ARHGAP35: variants seen among roughly 807,000 people sequenced by gnomAD.
ARHGAP35 encodes rho GTPase-activating protein 35.
In ARHGAP35, 15 loss-of-function variants were observed where a neutral mutation model predicts 111.1. The ratio of observed to expected loss-of-function variants is 0.13; its 90% CI spans 0.09 to 0.21. ARHGAP35 has a LOEUF of 0.21. Ranked by LOEUF, ARHGAP35 falls within the 10% of genes least tolerant of loss-of-function variation. The probability of loss-of-function intolerance (pLI) is 1.00; values close to 1 mark genes in which losing one functional copy is unlikely to be tolerated. For synonymous variants in ARHGAP35, 643 were observed against 710.3 expected (o/e 0.91, Z 1.51); for missense variants, 1,262 against 1,873.0 (o/e 0.67, Z 6.02).
intron 3 of ARHGAP35, among the ~76,000 whole-genome samples, chr19:46,987,097 G>C (rs2056654498): frequency 6.6e-6 from 1 of 151,852 alleles, no homozygotes; most frequent in Non-Finnish European, 1.5e-5. Flanking sequence ...CAAAGTGCTG[G>C]GATTACAAGC....
At chr19:46,868,708 C>T (rs2055871135) in intron 1 of ARHGAP35, among the ~76,000 whole-genome samples, 1 of 151,964 alleles carries the variant, frequency 6.6e-6, no homozygotes, top group African/African-American at 2.4e-5. Flanking sequence ...ACATTTTTTT[C>T]AGCAAGTAGA....
At chr19:46,881,796 A>G (rs1483202983) in intron 1 of ARHGAP35, among the ~76,000 whole-genome samples, 1 of 152,220 alleles carries the variant, frequency 6.6e-6, no homozygotes, top group Non-Finnish European at 1.5e-5. Flanking sequence ...CTCTAGCTAT[A>G]GAAGTCCTAG....
intron 1 of ARHGAP35, among the ~76,000 whole-genome samples, chr19:46,897,169 G>A (rs561142506): frequency 6.6e-6 from 1 of 152,106 alleles, no homozygotes; most frequent in South Asian, 2.1e-4. Flanking sequence ...AAAGTGCTGG[G>A]GTTACAGGCG....
At chr19:46,928,555 G>T (rs1243384842) in intron 2 of ARHGAP35, among the ~76,000 whole-genome samples, 1 of 151,846 alleles carries the variant, frequency 6.6e-6, no homozygotes, top group Admixed American at 6.6e-5. Flanking sequence ...TCGCTGTTTG[G>T]CTCCAGATCA....
At chr19:46,956,419 CTTTT>C (rs1276748702) in intron 3 of ARHGAP35, among the ~76,000 whole-genome samples, 6 of 138,786 alleles carry the variant, frequency 4.3e-5, no homozygotes, top group Admixed American at 7.2e-5. Flanking sequence ...CCCAAGATAT[CTTTT>C]TTTTTTTTTT....
intron 3 of ARHGAP35, among the ~76,000 whole-genome samples, chr19:46,982,756 A>ATTTT (rs2056627668): frequency 6.6e-6 from 1 of 152,018 alleles, no homozygotes; most frequent in South Asian, 2.1e-4. Flanking sequence ...AGAAATGCAG[A>ATTTT]TTTTGAGGCC....
At chr19:46,987,899 T>G (rs1232482009) in intron 3 of ARHGAP35, 90 bp from the exon 4 acceptor site, 6 of 1,317,964 alleles carry the variant, frequency 4.6e-6, no homozygotes, top group Middle Eastern at 1.8e-4. Flanking sequence ...TCATGGACTT[T>G]CCCTGGCTTT....
At position 46,986,117 on chromosome 19, in the gene ARHGAP35, G is replaced by A. The variant is rs796847562; in HGVS notation, c.3827-1872G>A. On this transcript the variant is annotated intron_variant, in intron 3 of 6. Transcript: ENST00000672722. The surrounding 1 kb of genome is among the most constrained non-coding windows in gnomAD (Gnocchi z 4.3). Reference sequence around the variant, plus strand: ...CAGAGTCGCTCAAAGCCAGTCTTCAGAAGGGACCCAGGGTTGCTTTAGCCA... The same window carrying A: ...CAGAGTCGCTCAAAGCCAGTCTTCAAAAGGGACCCAGGGTTGCTTTAGCCA... Among the ~76,000 whole-genome samples the A allele has an allele frequency of 2.0e-4, 30 of 152,324 alleles. No homozygotes were observed. The highest frequency in any genetic ancestry group is 7.2e-4 in the African/African-American group (30 of 41,566).
intron 2 of ARHGAP35, among the ~76,000 whole-genome samples, chr19:46,925,857 T>G (rs1176119468): frequency 6.6e-6 from 1 of 152,166 alleles, no homozygotes; most frequent in Non-Finnish European, 1.5e-5. Context: ...GCATGCTGGA[T>G]AAGTGTCAGC....
intron 2 of ARHGAP35, among the ~76,000 whole-genome samples, chr19:46,928,924 G>A (rs936989157): frequency 5.3e-5 from 8 of 150,498 alleles, no homozygotes; most frequent in Admixed American, 1.3e-4. Flanking sequence ...AGAGGGAGAC[G>A]GTCTCAAAAA....
At chr19:46,974,111 C>T (rs2056567308) in intron 3 of ARHGAP35, among the ~76,000 whole-genome samples, 1 of 152,212 alleles carries the variant, frequency 6.6e-6, no homozygotes, top group African/African-American at 2.4e-5. Flanking sequence ...CCTCCCACCT[C>T]AGCTTCCCAA....
At position 46,972,986 on chromosome 19, in the gene ARHGAP35, A is replaced by T. The variant is rs112791112; in HGVS notation, c.3827-15003A>T. Among the ~76,000 whole-genome samples, 937 of 152,088 alleles carry T rather than the reference A, an allele frequency of 6.2e-3. 6 individuals carry two copies. Among genetic ancestry groups the T allele is most frequent in the South Asian group, 0.02 (98 of 4,824 alleles). On this transcript the variant is annotated intron_variant, in intron 3 of 6. Coordinates refer to ENST00000672722, the MANE Select transcript of ARHGAP35 (RefSeq NM_004491.5). ...ATTCAACCCTGTTCCCCTGCACTGA[A>T]GATTTACTTCCAAACCTCTCTTAAC...
rs767031011 is a variant in ARHGAP35 at position 46,922,362 on chromosome 19, A to AC, written c.3681+7dup. On this transcript the variant is annotated splice_region_variant and intron_variant, in intron 2 of 6. Coordinates refer to ENST00000672722, the MANE Select transcript of ARHGAP35 (RefSeq NM_004491.5). This position sits in a 1 kb window ranked among gnomAD's most constrained non-coding sequence, Gnocchi z 4.0. ...GCCTAAGGAGGAACACTAAGGTAAG[A>AC]CACCAGTCTAGGATTAGTCATAGTG... The AC allele has an allele frequency of 7.6e-6, 12 of 1,577,836 alleles. No homozygotes were observed. Among genetic ancestry groups the AC allele is most frequent in the Non-Finnish European group, 1.0e-5 (12 of 1,162,608 alleles).
rs1004978197 is a variant in ARHGAP35 at position 46,999,276 on chromosome 19, G to T, written c.4037-28G>T. 1.3e-6 allele frequency: 2 copies of T among 1,525,244 alleles called. No individual in the cohort carries two copies. Among genetic ancestry groups the T allele is most frequent in the Admixed American group, 1.9e-5 (1 of 51,676 alleles). 94.5% of individuals were successfully genotyped at this position (1,525,244 alleles called of 1,614,324 possible). On this transcript the variant is annotated intron_variant, in intron 5 of 6. Transcript: ENST00000672722. The surrounding 1 kb of genome is among the most constrained non-coding windows in gnomAD (Gnocchi z 5.4). ...TGGCCACCAGCCTCGGCCATGAAAGGCAAGGCTTTGGTTTTCTCTCTCCTC... is the reference window on the plus strand; with the variant it reads ...TGGCCACCAGCCTCGGCCATGAAAGTCAAGGCTTTGGTTTTCTCTCTCCTC...
Position 46,920,222 on chromosome 19 carries a change from A to C in ARHGAP35, c.1547A>C (p.Lys516Thr). The change falls in exon 2 of 7, where the codon AAG (lysine) becomes ACG (threonine). Residue 516 changes from lysine to threonine, a missense_variant. Around this residue, in one of 8 missense-constraint regions of ARHGAP35, gnomAD observed 328 missense variants for 440.8 expected, o/e 0.74. Coordinates refer to ENST00000672722, the MANE Select transcript of ARHGAP35 (RefSeq NM_004491.5). This position sits in a 1 kb window ranked among gnomAD's most constrained non-coding sequence, Gnocchi z 7.0. ...CTGGATGCTAAGCCCAGCAAGGAGA[A>C]GATGGGTGTTATTCAGGATGTTCTG... is the stretch of plus-strand genomic sequence containing the variant. ...LELDAKPSKE[K>T]MGVIQDVLGE... The C allele has an allele frequency of 6.2e-7, 1 of 1,614,022 alleles. No homozygotes were observed. Among genetic ancestry groups the C allele is most frequent in the Non-Finnish European group, 8.5e-7 (1 of 1,179,886 alleles).
At chr19:46,946,587 G>A (rs1373500794) in intron 3 of ARHGAP35, 1 of 152,050 alleles carries the variant, frequency 6.6e-6, no homozygotes, top group Non-Finnish European at 1.5e-5. Context: ...CCAGGCTGCA[G>A]TGCAGTGGTG....
rs185431986 is a variant in ARHGAP35, at chr19:46,871,623, G to A, written c.-189+10414G>A. Among the ~76,000 whole-genome samples, 94 of 151,862 alleles carry A rather than the reference G, an allele frequency of 6.2e-4. No individual in the cohort carries two copies. The East Asian group carries it at 0.014, about 23-fold the overall frequency. ...CTCCCAAAGTGCTGGGATTACAGGCGTGAGCCACCATGCCCGTCCAGCAAT... is the reference window on the plus strand; with the variant it reads ...CTCCCAAAGTGCTGGGATTACAGGCATGAGCCACCATGCCCGTCCAGCAAT... On this transcript the variant is annotated intron_variant, in intron 1 of 6. Transcript: ENST00000672722.
chr19:46,987,218 C>CTTTTTTT (rs370500363), intron 3 of ARHGAP35, among the ~76,000 whole-genome samples: 12 of 115,588 alleles, frequency 1.0e-4, no homozygotes, highest in East Asian at 2.5e-4. Flanking sequence ...TCTTTTTTTT[C>CTTTTTTT]TTTTTTTTTT....
At chr19:46,863,052 C>CTT (rs75493734) in intron 1 of ARHGAP35, among the ~76,000 whole-genome samples, 6 of 144,356 alleles carry the variant, frequency 4.2e-5, no homozygotes, top group South Asian at 2.2e-4. Flanking sequence ...CCTTCCTCAC[C>CTT]TTTTTTTTTT....
Sources: allele counts gnomAD v4.1 joint callset (sites outside exome capture counted in the v4.1 genomes callset), GRCh38; gene constraint gnomAD v4.1.1; regional missense constraint gnomAD v4.1.1; non-coding constraint Gnocchi (gnomAD v3.1); transcripts MANE v1.5; gene names NCBI Gene and HGNC (gene_info 2026-07-23, HGNC 2026-07-21).